Variants in TM9SF4 observed in about 807,000 individuals in gnomAD.
The protein encoded by TM9SF4 is transmembrane 9 superfamily member 4, also known as dinucleotide oxidase disulfide thiol exchanger 3 superfamily member 4.
A neutral mutation model predicts 90.4 loss-of-function variants in TM9SF4; 26 were observed. That is an observed-to-expected ratio of 0.29 (90% CI 0.21 to 0.40). TM9SF4 has a LOEUF of 0.40. Ranked by LOEUF, TM9SF4 falls within the 10% of genes least tolerant of loss-of-function variation. The probability of loss-of-function intolerance (pLI) is 1.00; values close to 1 mark genes in which losing one functional copy is unlikely to be tolerated. For synonymous variants in TM9SF4, 293 were observed against 315.4 expected, an observed-to-expected ratio of 0.93 and a Z score of 0.75; for missense variants, 549 against 834.8, an observed-to-expected ratio of 0.66 and a Z score of 4.22.
At chr20:32,122,217 AC>A in intron 1 of TM9SF4, among the ~76,000 whole-genome samples, 1 of 60,762 alleles carries the variant, frequency 1.6e-5, no homozygotes, top group Admixed American at 1.9e-4. Context: ...TGATGCCCCC[AC>A]CTCCCTCCCG....
At chr20:32,128,305 A>G (rs1285819925) in intron 1 of TM9SF4, among the ~76,000 whole-genome samples, 1 of 152,218 alleles carries the variant, frequency 6.6e-6, no homozygotes, top group Non-Finnish European at 1.5e-5. Context: ...TGGGATAGAC[A>G]CTTCTACCTA....
chr20:32,133,930 C>T (rs903074607), intron 2 of TM9SF4, among the ~76,000 whole-genome samples: 6 of 152,000 alleles, frequency 3.9e-5, no homozygotes, highest in Non-Finnish European at 7.4e-5. Context: ...CCTCAGCCTC[C>T]CAAGTAGCTG....
chr20:32,151,436 C>T (rs1172966545), intron 12 of TM9SF4, among the ~76,000 whole-genome samples: 1 of 119,888 alleles, frequency 8.3e-6, no homozygotes, highest in Non-Finnish European at 1.8e-5. Flanking sequence ...AGCCCCTTCT[C>T]CTAGAGCGAG....
At chr20:32,125,280 T>G (rs1439835542) in intron 1 of TM9SF4, among the ~76,000 whole-genome samples, 1 of 152,208 alleles carries the variant, frequency 6.6e-6, no homozygotes, top group Non-Finnish European at 1.5e-5. Flanking sequence ...TATTTAATCT[T>G]TACCACCATC....
chr20:32,126,112 C>CA (rs1555882562), intron 1 of TM9SF4, among the ~76,000 whole-genome samples: 2 of 146,114 alleles, frequency 1.4e-5, no homozygotes, highest in East Asian at 2.0e-4. Flanking sequence ...CACACAGTAG[C>CA]CAGAGTAACC....
intron 1 of TM9SF4, among the ~76,000 whole-genome samples, chr20:32,127,381 C>T (rs1569061204): frequency 6.6e-6 from 1 of 152,158 alleles, no homozygotes; most frequent in Non-Finnish European, 1.5e-5. Flanking sequence ...GGGCAAGTTA[C>T]TTAACTTCTG....
chr20:32,164,277 G>A (rs1269665340), intron 17 of TM9SF4, among the ~76,000 whole-genome samples: 3 of 151,762 alleles, frequency 2.0e-5, no homozygotes, highest in Non-Finnish European at 4.4e-5. Flanking sequence ...TAATCCTAGC[G>A]TTTTCAGAGG....
At chr20:32,138,655 TCAAAAACAAAA>T (rs1255128509) in intron 3 of TM9SF4, among the ~76,000 whole-genome samples, 1 of 152,132 alleles carries the variant, frequency 6.6e-6, no homozygotes, top group East Asian at 1.9e-4. Context: ...AGACTCTATC[TCAAAAACAAAA>T]CAAAAACAAG....
chr20:32,118,625 T>G lies in TM9SF4; in HGVS notation c.15+8870T>G, dbSNP rs548533161. Among the ~76,000 whole-genome samples, 8 of 149,268 alleles carry G rather than the reference T, an allele frequency of 5.4e-5. 1 individual carries two copies. Among genetic ancestry groups the G allele is most frequent in the South Asian group, 2.1e-4 (1 of 4,686 alleles). ...TGTATTTATTTATTTATTTATTTATTTATTTATTTATTTATTTATTTTTAT... is the reference window on the plus strand; with the variant it reads ...TGTATTTATTTATTTATTTATTTATGTATTTATTTATTTATTTATTTTTAT... On this transcript the variant is annotated intron_variant, in intron 1 of 17. Coordinates refer to ENST00000398022, the MANE Select transcript of TM9SF4 (RefSeq NM_014742.4).
rs1461289644 is a variant in TM9SF4 at position 32,158,106 on chromosome 20, T to G, written c.1505+137T>G. The G allele has an allele frequency of 4.8e-6, 6 of 1,238,036 alleles. No individual in the cohort carries two copies. In the Admixed American group the frequency reaches 1.6e-4, roughly 32 times the overall value. The allele number at this position is 1,238,036 out of a possible 1,614,324, so 76.7% of individuals were successfully genotyped here. ...AGAGTTTATGAAAGCTTAACTTCACTCCAAGATCAAGGTGACCAGGTTGTA... is the reference window on the plus strand; with the variant it reads ...AGAGTTTATGAAAGCTTAACTTCACGCCAAGATCAAGGTGACCAGGTTGTA... On this transcript the variant is annotated intron_variant, in intron 14 of 17. Transcript: ENST00000398022.
In TM9SF4 at chr20:32,151,449, A is replaced by ATC. The variant is rs2046839738; in HGVS notation, c.1245+574_1245+575insTC. 1.4e-4 allele frequency among the ~76,000 whole-genome samples: 7 copies of ATC among 51,380 alleles called. No individual in the cohort carries two copies. The South Asian group carries it at 2.0e-3, about 15-fold the overall frequency. The allele number at this position is 51,380 out of a possible 152,430, so 33.7% of individuals were successfully genotyped here. A position where few individuals can be genotyped will look rare whatever the true frequency, so the allele number is the denominator to read the frequency against. On this transcript the variant is annotated intron_variant, in intron 12 of 17. Transcript: ENST00000398022. ...CGAGCCCCTTCTCCTAGAGCGAGTG[A>ATC]GTCTCTTAGAGGACTAGGAAGACTC... is the stretch of plus-strand genomic sequence containing the variant.
intron 17 of TM9SF4, among the ~76,000 whole-genome samples, chr20:32,163,705 G>A (rs1036717907): frequency 6.0e-5 from 9 of 149,850 alleles, no homozygotes; most frequent in South Asian, 2.1e-4. Context: ...TCTGCCTCCC[G>A]GGTTCCAGCG....
chr20:32,144,881 C>T (rs181553743), intron 6 of TM9SF4, among the ~76,000 whole-genome samples: 39 of 152,154 alleles, frequency 2.6e-4, no homozygotes, highest in Admixed American at 1.0e-3. Flanking sequence ...CCATTGTCTG[C>T]GTGACAGGGC....
At chr20:32,121,980 C>T (rs2046319505) in intron 1 of TM9SF4, among the ~76,000 whole-genome samples, 1 of 142,348 alleles carries the variant, frequency 7.0e-6, no homozygotes, top group South Asian at 2.3e-4. Context: ...GGGCGGGGGG[C>T]TGACCCCCCC....
At chr20:32,160,361 G>C (rs2046997381) in intron 16 of TM9SF4, among the ~76,000 whole-genome samples, 1 of 152,206 alleles carries the variant, frequency 6.6e-6, no homozygotes, top group Non-Finnish European at 1.5e-5. Context: ...AAGGACAGTA[G>C]ATTTGCCAGT....
At chr20:32,146,696 C>T in intron 8 of TM9SF4, 89 bp from the exon 9 acceptor site, 1 of 1,335,818 alleles carries the variant, frequency 7.5e-7, no homozygotes, top group Non-Finnish European at 1.1e-6. Flanking sequence ...CCAGCTGTCG[C>T]ACAGTAAAAC....
chr20:32,144,550 A>C (rs2046732201), intron 6 of TM9SF4, among the ~76,000 whole-genome samples: 1 of 152,156 alleles, frequency 6.6e-6, no homozygotes, highest in Non-Finnish European at 1.5e-5. Context: ...CCCTTCCCCC[A>C]TGCACAGGCC....
chr20:32,132,957 A>G (rs1439398896), intron 1 of TM9SF4, 56 bp from the exon 2 acceptor site: 1 of 1,517,628 alleles, frequency 6.6e-7, no homozygotes, highest in Non-Finnish European at 9.1e-7. Flanking sequence ...GATCTGCCTC[A>G]GAGGATCTTC....
intron 1 of TM9SF4, among the ~76,000 whole-genome samples, chr20:32,115,806 GCTTTTT>G (rs1481527273): frequency 8.5e-5 from 9 of 106,306 alleles, no homozygotes; most frequent in African/African-American, 1.8e-4. Context: ...ACCACTTTAA[GCTTTTT>G]TTTTTTTTTT....
Sources: gnomAD v4.1 joint callset for allele counts (sites outside exome capture counted in the v4.1 genomes callset) on GRCh38, gnomAD v4.1.1 for gene constraint, MANE v1.5 for transcripts, NCBI Gene and HGNC (gene_info 2026-07-23, HGNC 2026-07-21) for gene names.